Variants in LMBR1L observed in about 807,000 individuals in gnomAD.
LMBR1L encodes the protein protein LMBR1L.
In LMBR1L, 47 loss-of-function variants were observed where a neutral mutation model predicts 67.3. The observed-to-expected ratio is 0.70, with a 90% confidence interval of 0.55 to 0.89. The LOEUF (loss-of-function observed/expected upper bound fraction) is 0.89. LMBR1L is among the 40% of genes least tolerant of loss of function. LMBR1L has a pLI of 0.00. For synonymous variants in LMBR1L, 247 were observed against 250.3 expected (o/e 0.99, Z 0.13); for missense variants, 533 against 599.2 (o/e 0.89, Z 1.15).
Position 49,105,217 on chromosome 12 carries a change from G to A in LMBR1L, c.192-332C>T, listed in dbSNP as rs910896907. The A allele has an allele frequency of 1.7e-5, 5 of 292,802 alleles. No individual in the cohort carries two copies. In the Admixed American group the frequency reaches 2.2e-4, roughly 13 times the overall value. 18.1% of individuals were successfully genotyped at this position (292,802 alleles called of 1,614,324 possible). A position where few individuals can be genotyped will look rare whatever the true frequency, so the allele number is the denominator to read the frequency against. On this transcript the variant is annotated intron_variant, in intron 3 of 16. Coordinates refer to ENST00000267102, the MANE Select transcript of LMBR1L (RefSeq NM_018113.4). ...ATGCCAGGTATGATGCCAAAACTAG[G>A]GGACCTGGCTTCTCTTCTTTGGTCA... is the stretch of plus-strand genomic sequence containing the variant.
At chr12:49,102,778 A>G in intron 8 of LMBR1L, 109 bp downstream of exon 8, 1 of 1,052,744 alleles carries the variant, frequency 9.5e-7, no homozygotes, top group Non-Finnish European at 1.5e-6. Flanking sequence ...CAAAGGCTGT[A>G]GCTCTCTGCA....
intron 15 of LMBR1L, among the ~76,000 whole-genome samples, chr12:49,099,142 T>C (rs1328658532): frequency 2.9e-5 from 4 of 138,950 alleles, no homozygotes; most frequent in African/African-American, 5.5e-5. Context: ...TTTTTTTTTT[T>C]CTGAGACAGA....
intron 12 of LMBR1L, 52 bp downstream of exon 12, chr12:49,101,420 C>G (rs1340808764): frequency 6.2e-7 from 1 of 1,607,094 alleles, no homozygotes; most frequent in Non-Finnish European, 8.5e-7. Context: ...CTCCTCTCCC[C>G]AGCTGTTCTT....
At position 49,104,305 on chromosome 12, in the gene LMBR1L, G is replaced by A. The variant is rs889644999; in HGVS notation, c.435+143C>T. 6 of 698,362 alleles carry A rather than the reference G, an allele frequency of 8.6e-6. No individual in the cohort carries two copies. The African/African-American group carries it at 1.1e-4, about 12-fold the overall frequency. 43.3% of individuals were successfully genotyped at this position (698,362 alleles called of 1,614,324 possible). ...CTCCCTTTGTCCCTACAGGCCTAAG[G>A]GTGGTAATGACTTCCTACTGTCACT... On this transcript the variant is annotated intron_variant, in intron 5 of 16. Coordinates refer to ENST00000267102, the MANE Select transcript of LMBR1L (RefSeq NM_018113.4).
At position 49,098,034 on chromosome 12, in the gene LMBR1L, G is replaced by A. The variant is rs768371124; in HGVS notation, c.1312C>T (p.Leu438Phe). Reference sequence around the variant, plus strand: ...AGGCCTGCAAAGGCTGCGTTGTAGAGGAACACAATGTAGAAATTGCCCAGC... The same window carrying A: ...AGGCCTGCAAAGGCTGCGTTGTAGAAGAACACAATGTAGAAATTGCCCAGC... ...NWLGNFYIVF[L>F]YNAAFAGLTT... Residue 438 changes from leucine (L) to phenylalanine (F), a missense_variant, in exon 16 of 17, where the codon CTC becomes TTC. Leu to Phe is a conservative substitution (Grantham distance 22). Transcript: ENST00000267102. The A allele has an allele frequency of 9.3e-6, 15 of 1,614,052 alleles. No homozygotes were observed. Among genetic ancestry groups the A allele is most frequent in the Admixed American group, 1.7e-5 (1 of 59,996 alleles).
At chr12:49,109,657 GGA>G (rs1941310206) in intron 1 of LMBR1L, 4 of 455,894 alleles carry the variant, frequency 8.8e-6, no homozygotes, top group South Asian at 1.5e-5. Flanking sequence ...ACAGGAGAAA[GGA>G]GAGAGGTGAA....
In LMBR1L at chr12:49,110,474, C is replaced by T. The variant is rs1415766680; in HGVS notation, c.72+10G>A. ...ACCCCCGCTTCTCCTCGCCGGGGCC[C>T]CGCACTCACAATACACTCGCGGATC... On this transcript the variant is annotated intron_variant, in intron 1 of 16. Coordinates refer to ENST00000267102, the MANE Select transcript of LMBR1L (RefSeq NM_018113.4). 3 of 1,613,694 alleles carry T rather than the reference C, an allele frequency of 1.9e-6. No individual in the cohort carries two copies. The highest frequency in any genetic ancestry group is 3.3e-5 in the Admixed American group (2 of 60,020).
chr12:49,104,691 CTA>C lies in LMBR1L; in HGVS notation c.331+53_331+54del, dbSNP rs777074991. 4.4e-6 allele frequency: 7 copies of C among 1,608,708 alleles called. No individual in the cohort carries two copies. The Admixed American group carries it at 1.2e-4, about 27-fold the overall frequency. ...CACGGCTGCCTGAGTCCACCCAACT[CTA>C]TCTGCTCTCTGCTCCCTATCCCTAC... On this transcript the variant is annotated intron_variant, in intron 4 of 16. Transcript: ENST00000267102.
intron 2 of LMBR1L, 65 bp from the exon 3 acceptor site, chr12:49,106,022 G>A: frequency 7.3e-7 from 1 of 1,376,186 alleles, no homozygotes; most frequent in Admixed American, 1.8e-5. Flanking sequence ...GAGGCCGTTA[G>A]TATTACAATG....
At chr12:49,099,861 A>G (rs1939906070) in intron 15 of LMBR1L, among the ~76,000 whole-genome samples, 1 of 152,212 alleles carries the variant, frequency 6.6e-6, no homozygotes, top group Non-Finnish European at 1.5e-5. Context: ...GATTACAGGC[A>G]TGAGCCACTG....
At chr12:49,108,003 G>A (rs1362202000) in intron 1 of LMBR1L, among the ~76,000 whole-genome samples, 1 of 152,078 alleles carries the variant, frequency 6.6e-6, no homozygotes, top group Non-Finnish European at 1.5e-5. Context: ...TGAGGCTCAC[G>A]CCTGTAATCT....
intron 1 of LMBR1L, chr12:49,109,642 A>G: frequency 2.2e-6 from 1 of 454,716 alleles, no homozygotes; most frequent in Admixed American, 2.4e-5. Context: ...GCTCTGGGGA[A>G]GGACACAGGA....
intron 1 of LMBR1L, among the ~76,000 whole-genome samples, chr12:49,107,387 A>G (rs1003942700): frequency 6.6e-6 from 1 of 152,242 alleles, no homozygotes; most frequent in African/African-American, 2.4e-5. Context: ...ATGCACACGC[A>G]TTTCAAACCA....
At position 49,098,261 on chromosome 12, in the gene LMBR1L, C is replaced by T. The variant is rs558464252; in HGVS notation, c.1241-156G>A. 7.9e-5 allele frequency among the ~76,000 whole-genome samples: 12 copies of T among 152,290 alleles called. No individual in the cohort carries two copies. In the South Asian group the frequency reaches 1.4e-3, roughly 18 times the overall value. ...CACCCAAGCTGTCTCAAGAGCAGTT[C>T]GGGACTGTTCTAAGTGCCAGCAGCT... On this transcript the variant is annotated intron_variant, in intron 15 of 16. Transcript: ENST00000267102.
chr12:49,104,936 T>G lies in LMBR1L; in HGVS notation c.192-51A>C, dbSNP rs758198448. The G allele has an allele frequency of 5.8e-6, 9 of 1,561,818 alleles. No individual in the cohort carries two copies. In the African/African-American group the frequency reaches 1.2e-4, roughly 21 times the overall value. On this transcript the variant is annotated intron_variant, in intron 3 of 16. Transcript: ENST00000267102. The stretch of plus-strand genomic sequence containing the variant: ...TTGCTTAGCTCAGCACTCACTACCC[T>G]GTGCTGAAGAAGCCCCATTTGTCCT...
Position 49,097,992 on chromosome 12 carries a change from CCAGA to C in LMBR1L, c.1350_1353del (p.Cys450TrpfsTer2). On this transcript the variant is annotated frameshift_variant, in exon 16 of 17. Transcript: ENST00000267102. LOFTEE classifies it high-confidence loss of function. Reference sequence around the variant, plus strand: ...CGCACAGCTGCAGTGAAGGTCTTCACCAGACAGAGTGTGGTGAGGCCTGCAAAGG... The same window carrying C: ...CGCACAGCTGCAGTGAAGGTCTTCACCAGAGTGTGGTGAGGCCTGCAAAGG... The C allele has an allele frequency of 6.2e-7, 1 of 1,614,130 alleles. No homozygotes were observed. The highest frequency in any genetic ancestry group is 8.5e-7 in the Non-Finnish European group (1 of 1,179,994).
At chr12:49,102,077 G>C in intron 11 of LMBR1L, 43 bp downstream of exon 11, 1 of 1,558,970 alleles carries the variant, frequency 6.4e-7, no homozygotes, top group Non-Finnish European at 8.8e-7. Flanking sequence ...AAGGCCTCAA[G>C]TACTGAGGGT....
intron 3 of LMBR1L, 85 bp downstream of exon 3, chr12:49,105,839 C>G: frequency 8.8e-7 from 1 of 1,130,248 alleles, no homozygotes; most frequent in Non-Finnish European, 1.3e-6. Flanking sequence ...TGTGAGACTT[C>G]CCCCTTCTCC....
In LMBR1L at chr12:49,097,275, G is replaced by A. The variant is rs1939511574; in HGVS notation, c.*397C>T. 1 of 210,692 alleles carries A rather than the reference G, an allele frequency of 4.7e-6. No homozygotes were observed. The highest frequency in any genetic ancestry group is 9.9e-6 in the Non-Finnish European group (1 of 100,542). 13.1% of individuals were successfully genotyped at this position (210,692 alleles called of 1,614,324 possible). On this transcript the variant is annotated 3_prime_UTR_variant, in exon 17 of 17. Coordinates refer to ENST00000267102, the MANE Select transcript of LMBR1L (RefSeq NM_018113.4). ...AGTGCTTAGGCTCTGCTGGGCCAGA[G>A]GCAAGGGAGACAATCTATCTCCCGA...
Sources: allele counts gnomAD v4.1 joint callset (sites outside exome capture counted in the v4.1 genomes callset), GRCh38; gene constraint gnomAD v4.1.1; transcripts MANE v1.5; gene names NCBI Gene and HGNC (gene_info 2026-07-23, HGNC 2026-07-21).